GAS2L1: variants seen among roughly 807,000 people sequenced by gnomAD.
GAS2L1 encodes growth arrest specific 2 like 1, also known as GAS2-like protein 1.
Under a neutral mutation model 44.0 loss-of-function variants are expected in GAS2L1, and 26 were observed. That is an observed-to-expected ratio of 0.59 (90% CI 0.43 to 0.82). The LOEUF is 0.82. Among genes scored for constraint, GAS2L1 ranks in the 40% least tolerant of loss-of-function variants. The pLI, the probability that GAS2L1 is intolerant of heterozygous loss-of-function variation, is 0.00. For missense variants in GAS2L1, 1,006 were observed against 983.0 expected (o/e 1.02, Z -0.31); for synonymous variants, 426 against 415.9 (o/e 1.02, Z -0.30).
At chr22:29,311,423 C>A in intron 4 of GAS2L1, 39 bp from the exon 6 acceptor site, 1 of 792,710 alleles carries the variant, frequency 1.3e-6, no homozygotes, top group Non-Finnish European at 2.0e-6. Flanking sequence ...CCAGTCCTTC[C>A]GTGGTACCCC....
intron 1 of GAS2L1, among the ~76,000 whole-genome samples, chr22:29,309,195 C>T (rs888606007): frequency 1.6e-4 from 24 of 152,358 alleles, no homozygotes; most frequent in African/African-American, 5.5e-4. Flanking sequence ...GGGCAAGGTG[C>T]CTGGCACACA....
chr22:29,312,073 C>A (rs749085747), exon 5 of GAS2L1: 7 of 1,612,854 alleles, frequency 4.3e-6, no homozygotes, highest in Non-Finnish European at 5.9e-6. Flanking sequence ...GTGACCCCCA[C>A]TGGACCAGCC....
At chr22:29,312,510 G>C (rs1317666506) in exon 5 of GAS2L1, 2 of 1,489,650 alleles carry the variant, frequency 1.3e-6, no homozygotes, top group African/African-American at 2.8e-5. Flanking sequence ...GACCAGCTCA[G>C]CTGTCCCCAG....
At chr22:29,311,749 G>A (rs778242873) in exon 5 of GAS2L1, 29 of 1,534,808 alleles carry the variant, frequency 1.9e-5, no homozygotes, top group Non-Finnish European at 2.2e-5. Context: ...CCTGCCCGGC[G>A]GGCCCGGAGC....
exon 5 of GAS2L1, chr22:29,311,905 T>C: frequency 6.2e-7 from 1 of 1,601,888 alleles, no homozygotes; most frequent in Non-Finnish European, 8.5e-7. Context: ...GCACCCCGGC[T>C]TTCCCGGGTC....
At chr22:29,312,283 TGGG>T (rs78929040) in exon 5 of GAS2L1, 21 of 1,609,494 alleles carry the variant, frequency 1.3e-5, no homozygotes, top group Non-Finnish European at 1.8e-5. Flanking sequence ...TGCCCTGGCA[TGGG>T]GGGGCCACTA....
chr22:29,311,981 C>G (rs1400410575), exon 5 of GAS2L1: 2 of 1,610,338 alleles, frequency 1.2e-6, no homozygotes, highest in Non-Finnish European at 1.7e-6. Context: ...TGCAGCTCGA[C>G]CCGCAGCAGG....
chr22:29,311,768 C>T, exon 5 of GAS2L1: 1 of 1,544,116 alleles, frequency 6.5e-7, no homozygotes, highest in Non-Finnish European at 8.7e-7. Context: ...GCCAGAGCCG[C>T]GAGGAGCAGG....
At chr22:29,306,955 C>T (rs571041987), upstream of GAS2L1, 24 of 152,302 alleles carry the variant, frequency 1.6e-4, no homozygotes, top group East Asian at 4.7e-3. Flanking sequence ...AGGGGCGGCC[C>T]CTTTAAGAGC....
chr22:29,308,264 G>A, exon 1 of GAS2L1: 1 of 1,608,868 alleles, frequency 6.2e-7, no homozygotes, highest in Non-Finnish European at 8.5e-7. Context: ...ATGGCTTCCT[G>A]ACAGGGCTGG....
exon 1 of GAS2L1, chr22:29,308,137 C>T (rs1249945304): frequency 3.2e-6 from 5 of 1,564,520 alleles, no homozygotes; most frequent in South Asian, 1.2e-5. Context: ...ATCGCGGGCT[C>T]GGCGGCCAAG....
chr22:29,310,818 TC>T lies in GAS2L1; in HGVS notation c.839-5del. On this transcript the variant is annotated splice_polypyrimidine_tract_variant and splice_region_variant and intron_variant, in intron 3 of 4. Transcript: ENST00000618518. ...TCCCTCACATGCTGCCTGTCCTCTC[TC>T]CCCGCAGCTCATCGCCCACCCCAGC... 1 of 1,607,574 alleles carries T rather than the reference TC, an allele frequency of 6.2e-7. No individual in the cohort carries two copies.
exon 1 of GAS2L1, chr22:29,308,602 G>A: frequency 1.9e-6 from 3 of 1,597,066 alleles, no homozygotes; most frequent in Non-Finnish European, 1.7e-6. Flanking sequence ...GAGATTGAGC[G>A]GGAGCTGCGT....
intron 1 of GAS2L1, among the ~76,000 whole-genome samples, chr22:29,310,012 A>G (rs575457974): frequency 2.0e-5 from 3 of 152,262 alleles, no homozygotes; most frequent in Non-Finnish European, 4.4e-5. Flanking sequence ...CCTGTAATCC[A>G]GCAATTTGGG....
Position 29,308,310 on chromosome 22 carries a change from G to A in GAS2L1, c.205G>A (p.Val69Met), listed in dbSNP as rs771862334. The change falls in exon 1 of 5, where the codon GTG (valine) becomes ATG (methionine). Residue 69 changes from valine (V) to methionine (M), a missense_variant. Transcript: ENST00000618518. ...GACCCTGTGCCAACATGCCAACGCC[G>A]TGACCGAGGCTGCCCGTGCATTGGC... is the stretch of plus-strand genomic sequence containing the variant. 1.2e-5 allele frequency: 20 copies of A among 1,608,038 alleles called. No individual in the cohort carries two copies. The highest frequency in any genetic ancestry group is 1.6e-5 in the Non-Finnish European group (19 of 1,177,442).
chr22:29,308,341 C>T lies in GAS2L1; in HGVS notation c.236C>T (p.Ala79Val), dbSNP rs1459120449. The change falls in exon 1 of 5, where the codon GCC becomes GTC. Residue 79 changes from alanine to valine, a missense_variant. By Grantham distance (64) the Ala-to-Val change is moderately conservative. Coordinates refer to ENST00000618518, the Ensembl canonical transcript of GAS2L1. ...GAGGCTGCCCGTGCATTGGCAGCCG[C>T]CCGCCCGGCCCGAGGTGTGGCCTTC... The T allele has an allele frequency of 1.0e-5, 16 of 1,603,100 alleles. No homozygotes were observed. In the South Asian group the frequency reaches 1.4e-4, roughly 14 times the overall value.
At chr22:29,308,038 G>C in exon 1 of GAS2L1, 1 of 1,356,028 alleles carries the variant, frequency 7.4e-7, no homozygotes, top group South Asian at 1.5e-5. Context: ...TTTGTACTGA[G>C]CGCTTACTGG....
At chr22:29,311,733 C>T (rs1284033026) in exon 5 of GAS2L1, 1 of 1,532,638 alleles carries the variant, frequency 6.5e-7, no homozygotes, top group African/African-American at 1.4e-5. Flanking sequence ...GCTGTCGGTC[C>T]CCAGCCCTGC....
chr22:29,311,582 C>G, exon 5 of GAS2L1: 3 of 1,540,960 alleles, frequency 1.9e-6, no homozygotes, highest in Non-Finnish European at 2.6e-6. Flanking sequence ...CAGGCACTGG[C>G]CCCCGGAGGG....
Sources: allele counts gnomAD v4.1 joint callset (sites outside exome capture counted in the v4.1 genomes callset), GRCh38; gene constraint gnomAD v4.1.1; transcripts MANE v1.5; gene names NCBI Gene and HGNC (gene_info 2026-07-23, HGNC 2026-07-21).